Variants in SNX30 observed in about 807,000 individuals in gnomAD.
SNX30 encodes the protein sorting nexin-30.
In SNX30, 24 loss-of-function variants were observed where a neutral mutation model predicts 46.4. That is an observed-to-expected ratio of 0.52 (90% CI 0.37 to 0.73). SNX30 has a LOEUF of 0.73. Among genes scored for constraint, SNX30 ranks in the 30% least tolerant of loss-of-function variants. The probability of loss-of-function intolerance (pLI) is 0.00; values close to 1 mark genes in which losing one functional copy is unlikely to be tolerated. For synonymous variants in SNX30, 189 were observed against 211.5 expected, an observed-to-expected ratio of 0.89 and a Z score of 0.92; for missense variants, 533 against 555.7, an observed-to-expected ratio of 0.96 and a Z score of 0.41.
chr9:112,768,131 G>A (rs149040530), intron 1 of SNX30, among the ~76,000 whole-genome samples: 7 of 152,292 alleles, frequency 4.6e-5, no homozygotes, highest in African/African-American at 1.4e-4. Context: ...AATGGTCCAA[G>A]TCCTTAGCCT....
At chr9:112,764,201 A>C (rs1366133348) in intron 1 of SNX30, among the ~76,000 whole-genome samples, 1 of 152,246 alleles carries the variant, frequency 6.6e-6, no homozygotes, top group Non-Finnish European at 1.5e-5. Flanking sequence ...AGAGCAACTC[A>C]GGCGGAAGAA....
At chr9:112,851,817 G>A (rs1262705697) in intron 7 of SNX30, among the ~76,000 whole-genome samples, 3 of 152,138 alleles carry the variant, frequency 2.0e-5, no homozygotes, top group Non-Finnish European at 4.4e-5. Flanking sequence ...GAATCATAGC[G>A]GGTGGAAGTG....
chr9:112,853,222 T>C (rs1485967602), intron 7 of SNX30, among the ~76,000 whole-genome samples: 2 of 152,220 alleles, frequency 1.3e-5, no homozygotes, highest in East Asian at 1.9e-4. Context: ...ATGATGAGGA[T>C]TGGAACTGTA....
At chr9:112,814,438 G>T (rs1036148115) in intron 2 of SNX30, among the ~76,000 whole-genome samples, 3 of 151,904 alleles carry the variant, frequency 2.0e-5, no homozygotes. Context: ...ACAGGGTTTT[G>T]CCATGTTGCT....
intron 4 of SNX30, among the ~76,000 whole-genome samples, chr9:112,831,542 A>G (rs1235654914): frequency 6.6e-6 from 1 of 152,186 alleles, no homozygotes; most frequent in Non-Finnish European, 1.5e-5. Flanking sequence ...TGCATTTTAC[A>G]GACAAGGAAA....
At chr9:112,791,344 C>G (rs1762429690) in intron 1 of SNX30, among the ~76,000 whole-genome samples, 1 of 136,852 alleles carries the variant, frequency 7.3e-6, no homozygotes, top group African/African-American at 2.7e-5. Context: ...AGAATAATGT[C>G]TTCAAGATTA....
chr9:112,838,209 A>G (rs961304946), intron 5 of SNX30, among the ~76,000 whole-genome samples: 1 of 152,066 alleles, frequency 6.6e-6, no homozygotes, highest in Non-Finnish European at 1.5e-5. Context: ...ATTTTCGAAG[A>G]TGTTTGGTGG....
chr9:112,836,117 C>G, intron 4 of SNX30, 97 bp from the exon 5 acceptor site: 3 of 1,196,690 alleles, frequency 2.5e-6, no homozygotes, highest in Non-Finnish European at 3.5e-6. Flanking sequence ...CCCGAGTTCT[C>G]CATTTCCAAA....
Position 112,773,217 on chromosome 9 carries a change from C to T in SNX30, c.156+22060C>T, listed in dbSNP as rs556344179. Among the ~76,000 whole-genome samples, 12 of 152,290 alleles carry T rather than the reference C, an allele frequency of 7.9e-5. No individual in the cohort carries two copies. The South Asian group carries it at 2.5e-3, about 32-fold the overall frequency. ...CTTACTGGCTGGCAATCACTTACCT[C>T]CTCTGAACCCTGTTGTCCCATCCAT... On this transcript the variant is annotated intron_variant, in intron 1 of 8. Transcript: ENST00000374232.
chr9:112,883,212 TG>T (rs1269401978), downstream of SNX30, among the ~76,000 whole-genome samples: 1 of 152,210 alleles, frequency 6.6e-6, no homozygotes, highest in East Asian at 1.9e-4. Context: ...AGACCTGCCT[TG>T]GGATAACTTG....
chr9:112,751,302 C>G (rs1839272424), intron 1 of SNX30, 145 bp downstream of exon 1: 7 of 1,082,548 alleles, frequency 6.5e-6, no homozygotes, highest in Middle Eastern at 3.3e-4. Flanking sequence ...CCGGAGCCCT[C>G]GGCGAAGCGT....
At chr9:112,832,850 TA>T (rs1840690518) in intron 4 of SNX30, among the ~76,000 whole-genome samples, 1 of 146,742 alleles carries the variant, frequency 6.8e-6, no homozygotes, top group Admixed American at 6.9e-5. Context: ...TAATATATAA[TA>T]TATAATAAAT....
intron 2 of SNX30, among the ~76,000 whole-genome samples, chr9:112,813,977 G>A (rs1840359381): frequency 6.6e-6 from 1 of 152,150 alleles, no homozygotes; most frequent in South Asian, 2.1e-4. Context: ...TCCAATGGTA[G>A]ATTCCTAGAA....
intron 8 of SNX30, among the ~76,000 whole-genome samples, chr9:112,865,283 A>G (rs962153216): frequency 6.6e-6 from 1 of 151,852 alleles, no homozygotes; most frequent in Non-Finnish European, 1.5e-5. Flanking sequence ...TTATCAGGCT[A>G]CAGCCCAGTC....
intron 6 of SNX30, among the ~76,000 whole-genome samples, chr9:112,839,922 G>T (rs1274087054): frequency 6.6e-6 from 1 of 152,172 alleles, no homozygotes. Flanking sequence ...AAAAAATAAT[G>T]AATCAACTAG....
intron 7 of SNX30, among the ~76,000 whole-genome samples, chr9:112,857,795 A>ATCCATCCATCCAT (rs1564293902): frequency 5.0e-4 from 74 of 149,458 alleles, no homozygotes; most frequent in African/African-American, 1.5e-3. Context: ...CATCCATCCA[A>ATCCATCCATCCAT]CCATCCATCC....
chr9:112,757,324 G>A (rs1007051500), intron 1 of SNX30, among the ~76,000 whole-genome samples: 7 of 152,200 alleles, frequency 4.6e-5, no homozygotes, highest in Non-Finnish European at 8.8e-5. Context: ...ATGACAAGAT[G>A]TCATTCTTTT....
At chr9:112,861,090 G>A (rs923152278) in intron 7 of SNX30, among the ~76,000 whole-genome samples, 1 of 152,200 alleles carries the variant, frequency 6.6e-6, no homozygotes, top group African/African-American at 2.4e-5. Context: ...AGAAACAAAG[G>A]CTTGCTGGGG....
chr9:112,838,631 A>G lies in SNX30; in HGVS notation c.948A>G (p.Thr316=). The G allele has an allele frequency of 6.2e-7, 1 of 1,614,240 alleles. No homozygotes were observed. The highest frequency in any genetic ancestry group is 1.3e-5 in the African/African-American group (1 of 75,066). Residue 316 remains threonine, a synonymous_variant, in exon 6 of 9, where the codon ACA becomes ACG. Transcript: ENST00000374232. The part of the protein sequence containing the change: ...GNCSTALEEL[T]DDMTEDFLPV... ...GCTCTACAGCCTTAGAAGAGCTGAC[A>G]GATGACATGACAGAAGACTTCCTAC...
Sources: gnomAD v4.1 joint callset for allele counts (sites outside exome capture counted in the v4.1 genomes callset) on GRCh38, gnomAD v4.1.1 for gene constraint, MANE v1.5 for transcripts, NCBI Gene and HGNC (gene_info 2026-07-23, HGNC 2026-07-21) for gene names.